The following C12orf42 variants were observed in gnomAD, a reference collection of about 807,000 sequenced individuals.
C12orf42 encodes chromosome 12 open reading frame 42.
In C12orf42, 25 loss-of-function variants were observed where a neutral mutation model predicts 21.6. The observed-to-expected ratio is 1.16, with a 90% CI of 0.84 to 1.62. The LOEUF (loss-of-function observed/expected upper bound fraction) is 1.62, where lower values mean the gene tolerates loss of function less well. C12orf42 is among the 40% of genes most tolerant of loss of function. The pLI, the probability that C12orf42 is intolerant of heterozygous loss-of-function variation, is 0.00. For missense variants in C12orf42, 483 were observed against 459.3 expected, an observed-to-expected ratio of 1.05 and a Z score of -0.47; for synonymous variants, 174 against 175.0, an observed-to-expected ratio of 0.99 and a Z score of 0.05.
At chr12:103,237,605 ATT>A (rs1255424652) in exon 11 of C12orf42, 6 of 152,192 alleles carry the variant, frequency 3.9e-5, no homozygotes, top group African/African-American at 1.4e-4. Context: ...ATAAAAATTC[ATT>A]TGTTTATTCC....
At chr12:103,238,114 T>C (rs2033539744) in intron 10 of C12orf42, among the ~76,000 whole-genome samples, 1 of 152,140 alleles carries the variant, frequency 6.6e-6, no homozygotes, top group South Asian at 2.1e-4. Flanking sequence ...CATGGCTTGA[T>C]TTTGTAAGTA....
the C12orf42 span, among the ~76,000 whole-genome samples, chr12:103,136,236 T>A: frequency 1.3e-5 from 2 of 152,180 alleles, no homozygotes; most frequent in Admixed American, 1.3e-4. Flanking sequence ...TCGGTAGCAT[T>A]TCTATGCACC....
intron 2 of C12orf42, among the ~76,000 whole-genome samples, chr12:103,402,373 A>G (rs182236675): frequency 3.9e-4 from 60 of 152,310 alleles, no homozygotes; most frequent in African/African-American, 1.4e-3. Flanking sequence ...CCTTAATAAG[A>G]TAATATCAGG....
chr12:103,258,540 A>AC (rs2034728986), intron 10 of C12orf42, among the ~76,000 whole-genome samples: 3 of 151,854 alleles, frequency 2.0e-5, no homozygotes, highest in African/African-American at 7.2e-5. Flanking sequence ...ATGTTTTAAA[A>AC]ATATATAGAG....
chr12:103,291,073 T>C (rs887308093), intron 4 of C12orf42, among the ~76,000 whole-genome samples: 1 of 152,134 alleles, frequency 6.6e-6, no homozygotes, highest in African/African-American at 2.4e-5. Flanking sequence ...AGATGATTGG[T>C]AAATGGTTAG....
Position 103,302,234 on chromosome 12 carries a change from G to A in C12orf42, c.957C>T (p.Ser319=), listed in dbSNP as rs1304578351. 2 of 1,611,966 alleles carry A rather than the reference G, an allele frequency of 1.2e-6. No homozygotes were observed. Among genetic ancestry groups the A allele is most frequent in the Non-Finnish European group, 1.7e-6 (2 of 1,179,130 alleles). ...GAPLPLLAGA[S]THFPSKRLIK... is the part of the protein sequence containing the mutation. ...TTAACCTCTTGGAGGGGAAATGGGTGGAAGCACCGGCCAGCAGAGGAAGGG... is the reference window on the plus strand; with the variant it reads ...TTAACCTCTTGGAGGGGAAATGGGTAGAAGCACCGGCCAGCAGAGGAAGGG... Residue 319 remains serine (S), a synonymous_variant, in exon 6 of 6, where the codon TCC becomes TCT. Coordinates refer to ENST00000548883, the MANE Select transcript of C12orf42 (RefSeq NM_198521.5).
intron 4 of C12orf42, among the ~76,000 whole-genome samples, chr12:103,324,724 C>A (rs940873068): frequency 7.2e-5 from 11 of 152,158 alleles, no homozygotes; most frequent in African/African-American, 2.7e-4. Flanking sequence ...GGCCACAAAT[C>A]TCCATTTCGG....
At chr12:103,229,012 T>C in the C12orf42 span, among the ~76,000 whole-genome samples, 1 of 152,176 alleles carries the variant, frequency 6.6e-6, no homozygotes, top group East Asian at 1.9e-4. Flanking sequence ...ATTGATTTCT[T>C]TATTCAGTCA....
intron 4 of C12orf42, among the ~76,000 whole-genome samples, chr12:103,358,951 C>A (rs564854597): frequency 1.3e-5 from 2 of 152,084 alleles, no homozygotes; most frequent in Admixed American, 6.6e-5. Flanking sequence ...CCAAAACTCC[C>A]CATTGTAACC....
the C12orf42 span, among the ~76,000 whole-genome samples, chr12:103,221,939 C>A: frequency 2.6e-5 from 4 of 152,114 alleles, no homozygotes; most frequent in Non-Finnish European, 5.9e-5. Context: ...TAGTGTCCTG[C>A]AGTAAAGGTC....
rs527646762 is a variant in C12orf42, at chr12:103,304,218, G to A, written c.632-1659C>T. Among the ~76,000 whole-genome samples, 4 of 152,262 alleles carry A rather than the reference G, an allele frequency of 2.6e-5. No homozygotes were observed. The East Asian group carries it at 7.7e-4, about 29-fold the overall frequency. The stretch of plus-strand genomic sequence containing the variant: ...TGGGAATTATATTACCTACTTCACA[G>A]GGTTGCTAGTGAGATTAAATTTGTT... On this transcript the variant is annotated intron_variant, in intron 5 of 5. Transcript: ENST00000548883.
intron 4 of C12orf42, among the ~76,000 whole-genome samples, chr12:103,324,167 A>G (rs1593436884): frequency 6.6e-6 from 1 of 152,052 alleles, no homozygotes; most frequent in Non-Finnish European, 1.5e-5. Flanking sequence ...GTCCTGTATC[A>G]TTTTTAGATT....
the C12orf42 span, among the ~76,000 whole-genome samples, chr12:103,541,980 T>C: frequency 2.6e-5 from 4 of 152,200 alleles, no homozygotes; most frequent in African/African-American, 4.8e-5. Context: ...AGCTACAATC[T>C]TGAAGAACAT....
intron 2 of C12orf42, among the ~76,000 whole-genome samples, chr12:103,449,191 A>G (rs919973995): frequency 2.0e-5 from 3 of 152,072 alleles, no homozygotes; most frequent in African/African-American, 7.2e-5. Context: ...ATTTGCAGAA[A>G]CCTGGATGGA....
intron 4 of C12orf42, among the ~76,000 whole-genome samples, chr12:103,345,046 C>T (rs953831809): frequency 6.6e-6 from 1 of 152,182 alleles, no homozygotes; most frequent in Admixed American, 6.5e-5. Context: ...AGGTTTGAGT[C>T]TCTGATCTTT....
chr12:103,548,688 T>C, the C12orf42 span: 1 of 152,224 alleles, frequency 6.6e-6, no homozygotes, highest in Non-Finnish European at 1.5e-5. Flanking sequence ...TATTTTATAA[T>C]GAACATAACA....
chr12:103,128,862 G>A, the C12orf42 span, among the ~76,000 whole-genome samples: 1 of 152,142 alleles, frequency 6.6e-6, no homozygotes, highest in Non-Finnish European at 1.5e-5. Flanking sequence ...TGAATTACTA[G>A]CTTGTTAGAG....
the C12orf42 span, among the ~76,000 whole-genome samples, chr12:103,530,703 A>T: frequency 0.036 from 5,485 of 152,212 alleles, 128 homozygotes; most frequent in East Asian, 0.063. Flanking sequence ...GAGATAGGGA[A>T]AGAATTTGGG....
intron 5 of C12orf42, 30 bp from the exon 6 acceptor site, chr12:103,302,589 AGAT>A: frequency 6.4e-7 from 1 of 1,571,726 alleles, no homozygotes; most frequent in Non-Finnish European, 8.6e-7. Context: ...AGCAGGACAG[AGAT>A]GAGGCTCAAG....
Sources: gnomAD v4.1 joint callset for allele counts (sites outside exome capture counted in the v4.1 genomes callset) on GRCh38, gnomAD v4.1.1 for gene constraint, MANE v1.5 for transcripts, NCBI Gene and HGNC (gene_info 2026-07-23, HGNC 2026-07-21) for gene names.